The following ARCN1 variants were observed in gnomAD, a reference collection of about 807,000 sequenced individuals.
ARCN1 encodes archain 1 coat protein complex I subunit delta.
In ARCN1, 5 loss-of-function variants were observed where a neutral mutation model predicts 60.4. The observed-to-expected ratio is 0.08, with a 90% confidence interval of 0.04 to 0.17. The LOEUF is 0.17. Ranked by LOEUF, ARCN1 falls within the 10% of genes least tolerant of loss-of-function variation. The probability of loss-of-function intolerance (pLI) is 1.00; values close to 1 mark genes in which losing one functional copy is unlikely to be tolerated. For synonymous variants in ARCN1, 224 were observed against 220.0 expected, an observed-to-expected ratio of 1.02 and a Z score of -0.16; for missense variants, 464 against 626.5, an observed-to-expected ratio of 0.74 and a Z score of 2.77.
chr11:118,597,876 T>G lies in ARCN1; in HGVS notation c.1411T>G (p.Ser471Ala). ...CAATGACTTCTTCCCTGTTCAAGTT[T>G]CCTTTGTCTCCAAGAAAAATTACTG... ...QPNDFFPVQV[S>A]FVSKKNYCNI... Residue 471 changes from serine (S) to alanine (A), a missense_variant, in exon 9 of 10, where the codon TCC (serine) becomes GCC (alanine). Ser to Ala is a moderately conservative substitution (Grantham distance 99, BLOSUM62 1). Coordinates refer to ENST00000264028, the MANE Select transcript of ARCN1 (RefSeq NM_001655.5). 3 of 1,614,208 alleles carry G rather than the reference T, an allele frequency of 1.9e-6. No homozygotes were observed. The highest frequency in any genetic ancestry group is 2.5e-6 in the Non-Finnish European group (3 of 1,180,046).
At chr11:118,579,107 G>A (rs530179005) in intron 1 of ARCN1, among the ~76,000 whole-genome samples, 4 of 151,856 alleles carry the variant, frequency 2.6e-5, no homozygotes, top group Non-Finnish European at 5.9e-5. Flanking sequence ...GCATTTTATA[G>A]GAAAAGAAAC....
At chr11:118,593,847 T>C in intron 8 of ARCN1, 149 bp downstream of exon 8, 1 of 525,918 alleles carries the variant, frequency 1.9e-6, no homozygotes, top group Non-Finnish European at 3.4e-6. Context: ...TACAAAAGGC[T>C]GCATGTTATG....
At chr11:118,592,591 ATTG>A in intron 6 of ARCN1, 115 bp from the exon 7 acceptor site, 1 of 671,722 alleles carries the variant, frequency 1.5e-6, no homozygotes, top group East Asian at 2.7e-5. Flanking sequence ...ATGAAAAAGA[ATTG>A]GAATTTGTTA....
chr11:118,588,028 C>T (rs1359733345), intron 5 of ARCN1, among the ~76,000 whole-genome samples: 1 of 152,194 alleles, frequency 6.6e-6, no homozygotes, highest in Non-Finnish European at 1.5e-5. Context: ...CTGGGGTACG[C>T]CACCCTCCTG....
Position 118,600,881 on chromosome 11 carries a change from G to C in ARCN1, c.*167G>C, listed in dbSNP as rs1939132963. The C allele has an allele frequency of 2.1e-6, 1 of 482,700 alleles. No individual in the cohort carries two copies. Among genetic ancestry groups the C allele is most frequent in the Non-Finnish European group, 3.7e-6 (1 of 271,450 alleles). The allele number at this position is 482,700 out of a possible 1,614,324, so 29.9% of individuals were successfully genotyped here. A position where few individuals can be genotyped will look rare whatever the true frequency, so the allele number is the denominator to read the frequency against. On this transcript the variant is annotated 3_prime_UTR_variant, in exon 10 of 10. Coordinates refer to ENST00000264028, the MANE Select transcript of ARCN1 (RefSeq NM_001655.5). Reference sequence around the variant, plus strand: ...ACCCTCGACTCACCCCCATGTTTCAGTGTCACAGAGACATTCTTTGATAAG... The same window carrying C: ...ACCCTCGACTCACCCCCATGTTTCACTGTCACAGAGACATTCTTTGATAAG...
chr11:118,597,818 T>C lies in ARCN1; in HGVS notation c.1353T>C (p.Ser451=). The change falls in exon 9 of 10, where the codon AGT becomes AGC. Residue 451 remains serine (S), a synonymous_variant. Transcript: ENST00000264028. ...CLPVIDAKNK[S]GSLEFSIAGQ... ...CTGTGATTGATGCCAAAAATAAGAG[T>C]GGCAGCCTGGAGTTTAGCATTGCTG... 2.5e-6 allele frequency: 4 copies of C among 1,613,934 alleles called. No individual in the cohort carries two copies. Among genetic ancestry groups the C allele is most frequent in the Non-Finnish European group, 3.4e-6 (4 of 1,179,990 alleles).
At chr11:118,576,881 C>T (rs1288742306) in intron 1 of ARCN1, among the ~76,000 whole-genome samples, 2 of 152,132 alleles carry the variant, frequency 1.3e-5, no homozygotes, top group Admixed American at 1.3e-4. Context: ...TTCATCTTGA[C>T]GTACTGAAAG....
chr11:118,583,616 G>A (rs1260441641), intron 3 of ARCN1, among the ~76,000 whole-genome samples, 193 bp from the exon 4 acceptor site: 2 of 151,954 alleles, frequency 1.3e-5, no homozygotes, highest in African/African-American at 4.8e-5. Context: ...AATTAGCCAG[G>A]CATGGTAGCA....
intron 7 of ARCN1, 53 bp downstream of exon 7, chr11:118,592,909 T>C: frequency 6.7e-7 from 1 of 1,498,580 alleles, no homozygotes; most frequent in African/African-American, 1.4e-5. Flanking sequence ...GAACTAGAAA[T>C]AGCCCTTGCT....
At chr11:118,578,953 T>C (rs782647835) in intron 1 of ARCN1, among the ~76,000 whole-genome samples, 67 of 150,300 alleles carry the variant, frequency 4.5e-4, no homozygotes, top group Non-Finnish European at 8.3e-4. Flanking sequence ...TAAATTTTTT[T>C]CATGAGATGC....
chr11:118,574,846 G>A (rs1555073169), intron 1 of ARCN1, among the ~76,000 whole-genome samples: 1 of 151,890 alleles, frequency 6.6e-6, no homozygotes, highest in African/African-American at 2.4e-5. Context: ...AGTGCACTGC[G>A]GCCTAGAACT....
At position 118,597,701 on chromosome 11, in the gene ARCN1, C is replaced by T. The variant is rs782485589; in HGVS notation, c.1242-6C>T. The T allele has an allele frequency of 1.2e-6, 2 of 1,613,724 alleles. No homozygotes were observed. The highest frequency in any genetic ancestry group is 1.7e-6 in the Non-Finnish European group (2 of 1,179,916). On this transcript the variant is annotated splice_region_variant and splice_polypyrimidine_tract_variant and intron_variant, in intron 8 of 9. Coordinates refer to ENST00000264028, the MANE Select transcript of ARCN1 (RefSeq NM_001655.5). ...GCTACCTTGACCAGAATGTTTCTCA[C>T]AACAGGTCTGGTGTCGGCGCGCCTG...
rs781813411 is a variant in ARCN1 at position 118,583,997 on chromosome 11, G to T, written c.636G>T (p.Val212=). ...TCATTGAAACTGATAAACCAAAAGT[G>T]GCACCTGCACCAGCCAGGTATAATC... ...ETIIETDKPK[V]APAPARPSGP... Residue 212 remains valine, a synonymous_variant, in exon 4 of 10, where the codon GTG becomes GTT. Coordinates refer to ENST00000264028, the MANE Select transcript of ARCN1 (RefSeq NM_001655.5). The T allele has an allele frequency of 6.2e-7, 1 of 1,614,172 alleles. No homozygotes were observed. Among genetic ancestry groups the T allele is most frequent in the Non-Finnish European group, 8.5e-7 (1 of 1,180,038 alleles).
intron 1 of ARCN1, among the ~76,000 whole-genome samples, chr11:118,578,874 CTTTTTTTTTTTTTTTTTT>C (rs56050047): frequency 2.3e-4 from 19 of 83,454 alleles, no homozygotes; most frequent in Non-Finnish European, 2.7e-4. Context: ...CCCCGTCTCT[CTTTTTTTTTTTTTTTTTT>C]TTTTTTTTTT....
At chr11:118,575,552 ATCT>A (rs782527707) in intron 1 of ARCN1, among the ~76,000 whole-genome samples, 4 of 152,112 alleles carry the variant, frequency 2.6e-5, no homozygotes, top group African/African-American at 9.7e-5. Context: ...TTTTATTGTA[ATCT>A]TCTCTCTGAT....
intron 9 of ARCN1, among the ~76,000 whole-genome samples, chr11:118,599,129 G>T (rs1374089394): frequency 1.4e-5 from 2 of 147,436 alleles, no homozygotes; most frequent in East Asian, 2.0e-4. Context: ...TTTCACTCTT[G>T]TTGCCCAGGC....
intron 1 of ARCN1, among the ~76,000 whole-genome samples, chr11:118,578,201 AAAT>A: frequency 6.6e-6 from 1 of 151,080 alleles, no homozygotes; most frequent in East Asian, 1.9e-4. Flanking sequence ...ATAAATAAAT[AAAT>A]AAATAAATAA....
At chr11:118,585,754 G>T (rs563764793) in intron 5 of ARCN1, among the ~76,000 whole-genome samples, 29 of 152,226 alleles carry the variant, frequency 1.9e-4, no homozygotes, top group Non-Finnish European at 4.1e-4. Flanking sequence ...GCCCAGGCTG[G>T]TCTCGAACTC....
intron 2 of ARCN1, among the ~76,000 whole-genome samples, chr11:118,582,352 A>G (rs1938675831): frequency 6.6e-6 from 1 of 151,584 alleles, no homozygotes; most frequent in Non-Finnish European, 1.5e-5. Flanking sequence ...CTGGTCTCGA[A>G]CTCCTGACCT....
Sources: allele counts gnomAD v4.1 joint callset (sites outside exome capture counted in the v4.1 genomes callset), GRCh38; gene constraint gnomAD v4.1.1; transcripts MANE v1.5; gene names NCBI Gene and HGNC (gene_info 2026-07-23, HGNC 2026-07-21).